The following CSF3R variants were observed in gnomAD, a reference collection of about 807,000 sequenced individuals.
CSF3R encodes colony stimulating factor 3 receptor.
A neutral mutation model predicts 84.4 loss-of-function variants in CSF3R; 52 were observed. The observed-to-expected ratio is 0.62, with a 90% CI of 0.49 to 0.78. CSF3R has a LOEUF of 0.78. Among genes scored for constraint, CSF3R ranks in the 30% least tolerant of loss-of-function variants. The pLI is 0.00. For missense variants in CSF3R, 890 were observed against 1,055.7 expected (o/e 0.84, Z 2.17); for synonymous variants, 384 against 429.1 (o/e 0.89, Z 1.30).
At chr1:36,476,621 G>GTTT (rs112688098) in intron 3 of CSF3R, among the ~76,000 whole-genome samples, 1 of 144,014 alleles carries the variant, frequency 6.9e-6, no homozygotes. Context: ...TGTCCCTGCT[G>GTTT]TTTTTTTTTT....
chr1:36,482,793 T>C lies in CSF3R; in HGVS notation c.-81+18A>G, dbSNP rs1468876557. The C allele has an allele frequency of 6.6e-6, 1 of 152,360 alleles. No individual in the cohort carries two copies. Among genetic ancestry groups the C allele is most frequent in the Non-Finnish European group, 1.5e-5 (1 of 68,204 alleles). 9.4% of individuals were successfully genotyped at this position (152,360 alleles called of 1,614,324 possible). A position where few individuals can be genotyped will look rare whatever the true frequency, so the allele number is the denominator to read the frequency against. ...TCAAGCCCAAGGCTCAGCCCCTCTCTAGGGATCCCCTACTCACGTTGGCAC... is the reference window on the plus strand; with the variant it reads ...TCAAGCCCAAGGCTCAGCCCCTCTCCAGGGATCCCCTACTCACGTTGGCAC... On this transcript the variant is annotated intron_variant, in intron 1 of 16. Coordinates refer to ENST00000373106, the MANE Select transcript of CSF3R (RefSeq NM_000760.4).
chr1:36,479,483 C>G lies in CSF3R; in HGVS notation c.14G>C (p.Gly5Ala), dbSNP rs528738573. MARL[G>A]NCSLTWAALI... The stretch of plus-strand genomic sequence containing the variant: ...GGCAGCCCAAGTCAGGCTGCAGTTT[C>G]CCAGCCTTGCCATAGCACCAACTTG... The change falls in exon 3 of 17, where the codon GGA becomes GCA. Residue 5 changes from glycine (G) to alanine (A), a missense_variant. Transcript: ENST00000373106. 4.3e-6 allele frequency: 7 copies of G among 1,614,196 alleles called. No individual in the cohort carries two copies. Among genetic ancestry groups the G allele is most frequent in the Middle Eastern group, 1.6e-4 (1 of 6,062 alleles).
At chr1:36,475,817 G>T in intron 3 of CSF3R, 144 bp from the exon 4 acceptor site, 1 of 802,994 alleles carries the variant, frequency 1.2e-6, no homozygotes, top group African/African-American at 1.7e-5. Context: ...GGAAGGATGG[G>T]GACGGAGACT....
Position 36,466,701 on chromosome 1 carries a change from G to C in CSF3R, c.2167C>G (p.Leu723Val), listed in dbSNP as rs766343562. 25 of 1,614,108 alleles carry C rather than the reference G, an allele frequency of 1.5e-5. No individual in the cohort carries two copies. The Admixed American group carries it at 2.8e-4, about 18-fold the overall frequency. The stretch of plus-strand genomic sequence containing the variant: ...CCCTGGAGCACATAGGTCTGGACCA[G>C]AGTGGGGAGGCCACAGGTCTCTGAG... Reference protein sequence around the residue: ...NSSETCGLPTLVQTYVLQGDP... With the variant: ...NSSETCGLPTVVQTYVLQGDP... Residue 723 changes from leucine (L) to valine (V), a missense_variant, in exon 17 of 17, where the codon CTG becomes GTG. Transcript: ENST00000373106. The surrounding 1 kb of genome is among the most constrained non-coding windows in gnomAD (Gnocchi z 4.6).
In CSF3R at chr1:36,472,421, T is replaced by G; in HGVS notation, c.844-30A>C. 1 of 1,613,844 alleles carries G rather than the reference T, an allele frequency of 6.2e-7. No individual in the cohort carries two copies. The highest frequency in any genetic ancestry group is 8.5e-7 in the Non-Finnish European group (1 of 1,179,934). On this transcript the variant is annotated intron_variant, in intron 7 of 16. Transcript: ENST00000373106. The surrounding 1 kb of genome is among the most constrained non-coding windows in gnomAD (Gnocchi z 5.0). ...TGAGGGGTGGACAGGACTCTGAGCCTTGGATCGCTGGGCCATTCTAGGGCC... is the reference window on the plus strand; with the variant it reads ...TGAGGGGTGGACAGGACTCTGAGCCGTGGATCGCTGGGCCATTCTAGGGCC...
chr1:36,472,152 C>T lies in CSF3R; in HGVS notation c.998-13G>A. The T allele has an allele frequency of 6.2e-7, 1 of 1,614,010 alleles. No homozygotes were observed. Among genetic ancestry groups the T allele is most frequent in the Non-Finnish European group, 8.5e-7 (1 of 1,180,010 alleles). On this transcript the variant is annotated splice_polypyrimidine_tract_variant and intron_variant, in intron 8 of 16. Coordinates refer to ENST00000373106, the MANE Select transcript of CSF3R (RefSeq NM_000760.4). This position sits in a 1 kb window ranked among gnomAD's most constrained non-coding sequence, Gnocchi z 5.0. ...CTGACAGTGGGGGCTGTGGATGGAA[C>T]AAGAAGAGGGGGTGCCAGTTGGGGA...
rs752378580 is a variant in CSF3R, at chr1:36,468,080, G to A, written c.1718C>T (p.Ser573Phe). The A allele has an allele frequency of 8.7e-6, 14 of 1,614,130 alleles. No homozygotes were observed. In the African/African-American group the frequency reaches 1.9e-4, roughly 22 times the overall value. The change falls in exon 13 of 17, where the codon TCC becomes TTC. Residue 573 changes from serine to phenylalanine, a missense_variant. By Grantham distance (155) the Ser-to-Phe change is radical. Coordinates refer to ENST00000373106, the MANE Select transcript of CSF3R (RefSeq NM_000760.4). ...TIFWTNAQNQSFSAILNASSR... is the reference protein window; with the variant it reads ...TIFWTNAQNQFFSAILNASSR... The stretch of plus-strand genomic sequence containing the variant: ...GGAACTGAGGATAGACTCACAGAAG[G>A]ACTGGTTCTGAGCGTTGGTCCAGAA...
intron 2 of CSF3R, 146 bp from the exon 3 acceptor site, chr1:36,479,662 ACTG>A: frequency 1.4e-6 from 1 of 699,880 alleles, no homozygotes; most frequent in South Asian, 1.5e-5. Context: ...AGCAGCCTAT[ACTG>A]CATGGGACTT....
chr1:36,473,399 A>G (rs1453766185), intron 6 of CSF3R, 36 bp downstream of exon 6: 4 of 1,609,478 alleles, frequency 2.5e-6, no homozygotes, highest in East Asian at 2.2e-5. Context: ...GTGTCTGCCC[A>G]TTTTGGGGAT....
rs765551895 is a variant in CSF3R, at chr1:36,466,891, C to G, written c.2041-64G>C. 9.3e-6 allele frequency: 15 copies of G among 1,613,958 alleles called. No homozygotes were observed. In the Admixed American group the frequency reaches 2.0e-4, roughly 22 times the overall value. ...CAGATGTCTGCCCCAGCCACTGTCC[C>G]TGTCTGGGTCCGGGCAGCTGTGGGG... On this transcript the variant is annotated intron_variant, in intron 16 of 16. Coordinates refer to ENST00000373106, the MANE Select transcript of CSF3R (RefSeq NM_000760.4). This position sits in a 1 kb window ranked among gnomAD's most constrained non-coding sequence, Gnocchi z 4.6.
chr1:36,471,452 C>G lies in CSF3R; in HGVS notation c.1266G>C (p.Val422=), dbSNP rs746450541. The part of the protein sequence containing the change: ...NSAGTSRPTP[V]VFSESRGPAL... ...CTTTACCTCTGCTTTCTGAGAAGAC[C>G]ACCGGAGTGGGACGAGAGGTCCCGG... The change falls in exon 10 of 17, where the codon GTG becomes GTC. Residue 422 remains valine, a synonymous_variant. Coordinates refer to ENST00000373106, the MANE Select transcript of CSF3R (RefSeq NM_000760.4). 2.5e-6 allele frequency: 4 copies of G among 1,614,136 alleles called. No homozygotes were observed. In the Admixed American group the frequency reaches 6.7e-5, roughly 27 times the overall value.
chr1:36,474,389 GCTTT>G (rs1650986176), intron 4 of CSF3R, among the ~76,000 whole-genome samples: 1 of 128,288 alleles, frequency 7.8e-6, no homozygotes, highest in Non-Finnish European at 1.6e-5. Context: ...CATTACTGGT[GCTTT>G]TTTTTTTTTT....
intron 3 of CSF3R, chr1:36,476,302 G>C (rs754234210): frequency 1.3e-5 from 2 of 152,324 alleles, no homozygotes; most frequent in Non-Finnish European, 2.9e-5. Flanking sequence ...ACATGATCCT[G>C]GTATATTTCT....
Position 36,467,739 on chromosome 1 carries a change from C to G in CSF3R, c.1864+83G>C. On this transcript the variant is annotated intron_variant, in intron 14 of 16. Transcript: ENST00000373106. The surrounding 1 kb of genome is among the most constrained non-coding windows in gnomAD (Gnocchi z 4.1). ...TCCGACCAGGGGATTCAAAGTCAGT[C>G]CCCAGCTACTCTCAAAATCAGCATC... is the stretch of plus-strand genomic sequence containing the variant. The G allele has an allele frequency of 1.9e-6, 3 of 1,612,864 alleles. No homozygotes were observed. Among genetic ancestry groups the G allele is most frequent in the Non-Finnish European group, 2.5e-6 (3 of 1,178,844 alleles).
chr1:36,477,774 T>G (rs1225494220), intron 3 of CSF3R: 1 of 151,896 alleles, frequency 6.6e-6, no homozygotes, highest in African/African-American at 2.4e-5. Flanking sequence ...TTCTTTTTTT[T>G]TTTTGAGACG....
At position 36,473,758 on chromosome 1, in the gene CSF3R, C is replaced by G. The variant is rs765680165; in HGVS notation, c.485+6G>C. The G allele has an allele frequency of 5.6e-6, 9 of 1,614,226 alleles. No individual in the cohort carries two copies. In the Admixed American group the frequency reaches 1.3e-4, roughly 24 times the overall value. ...GGAGGGGACCAAGGTGGGGGCCCCTCCTCACTTGAAACTCTTCAGAGTGAA... is the reference window on the plus strand; with the variant it reads ...GGAGGGGACCAAGGTGGGGGCCCCTGCTCACTTGAAACTCTTCAGAGTGAA... On this transcript the variant is annotated splice_donor_region_variant and intron_variant, in intron 5 of 16. Coordinates refer to ENST00000373106, the MANE Select transcript of CSF3R (RefSeq NM_000760.4).
chr1:36,476,238 G>A (rs1651141873), intron 3 of CSF3R: 1 of 153,032 alleles, frequency 6.5e-6, no homozygotes, highest in Non-Finnish European at 1.5e-5. Context: ...GATGAGTGTG[G>A]ATGTTGGAAC....
At chr1:36,478,295 G>A (rs1176426888) in intron 3 of CSF3R, among the ~76,000 whole-genome samples, 4 of 151,800 alleles carry the variant, frequency 2.6e-5, no homozygotes, top group Non-Finnish European at 4.4e-5. Context: ...TTGGGAGGCC[G>A]AGGTGAGTGG....
chr1:36,473,742 C>G (rs762454012), intron 5 of CSF3R, 22 bp downstream of exon 5: 1 of 1,614,196 alleles, frequency 6.2e-7, no homozygotes, highest in Non-Finnish European at 8.5e-7. Flanking sequence ...GGGAGGGGAC[C>G]AAGGTGGGGG....
Sources: gnomAD v4.1 joint callset for allele counts (sites outside exome capture counted in the v4.1 genomes callset) on GRCh38, gnomAD v4.1.1 for gene constraint, Gnocchi (gnomAD v3.1) non-coding constraint, MANE v1.5 for transcripts, NCBI Gene and HGNC (gene_info 2026-07-23, HGNC 2026-07-21) for gene names.